The following RB1 variants were observed in gnomAD, a reference collection of about 807,000 sequenced individuals.
RB1 encodes RB transcriptional corepressor 1.
A neutral mutation model predicts 135.4 loss-of-function variants in RB1; 18 were observed. The observed-to-expected ratio is 0.13, with a 90% CI of 0.09 to 0.20. RB1 has a LOEUF of 0.20. Ranked by LOEUF, RB1 falls within the 10% of genes least tolerant of loss-of-function variation. The probability of loss-of-function intolerance (pLI) is 1.00; values close to 1 mark genes in which losing one functional copy is unlikely to be tolerated. For synonymous variants in RB1, 365 were observed against 373.2 expected (o/e 0.98, Z 0.25); for missense variants, 868 against 1,110.0 (o/e 0.78, Z 3.10).
chr13:48,462,270 C>T (rs1030167864), intron 20 of RB1, among the ~76,000 whole-genome samples: 7 of 152,072 alleles, frequency 4.6e-5, no homozygotes, highest in African/African-American at 1.7e-4. Context: ...ACTATAGGCA[C>T]ACACCACCAC....
chr13:48,347,787 G>T, intron 4 of RB1, 38 bp from the exon 5 acceptor site: 2 of 1,463,318 alleles, frequency 1.4e-6, no homozygotes, highest in South Asian at 2.4e-5. Context: ...TCTAAATTAC[G>T]AAAAAATGTT....
chr13:48,349,118 T>G (rs1314441556), intron 6 of RB1, 95 bp downstream of exon 6: 1 of 1,297,990 alleles, frequency 7.7e-7, no homozygotes, highest in Admixed American at 2.2e-5. Flanking sequence ...TATTGAGTAA[T>G]GTACTCCTCC....
intron 2 of RB1, among the ~76,000 whole-genome samples, chr13:48,328,873 TTAAA>T (rs1200401014): frequency 5.9e-5 from 9 of 152,190 alleles, no homozygotes; most frequent in African/African-American, 1.7e-4. Flanking sequence ...TTCCTGTGCT[TTAAA>T]TATCTCTCCA....
chr13:48,359,904 C>A, intron 6 of RB1, 113 bp from the exon 7 acceptor site: 1 of 1,388,830 alleles, frequency 7.2e-7, no homozygotes, highest in Non-Finnish European at 9.6e-7. Context: ...CTTTACCATG[C>A]TGATAGTGAT....
intron 1 of RB1, among the ~76,000 whole-genome samples, chr13:48,304,799 G>A (rs566323249): frequency 6.6e-6 from 1 of 152,012 alleles, no homozygotes; most frequent in East Asian, 1.9e-4. Context: ...CTTCTTGCGT[G>A]TTAGTCGGCT....
At chr13:48,324,499 T>C (rs1952267915) in intron 2 of RB1, among the ~76,000 whole-genome samples, 1 of 152,118 alleles carries the variant, frequency 6.6e-6, no homozygotes, top group African/African-American at 2.4e-5. Flanking sequence ...GCCTGGCTTA[T>C]TTCACTTAAC....
In RB1 at chr13:48,411,436, G is replaced by A. The variant is rs200554714; in HGVS notation, c.1695+29993G>A. 9 of 1,613,166 alleles carry A rather than the reference G, an allele frequency of 5.6e-6. No individual in the cohort carries two copies. In the South Asian group the frequency reaches 9.9e-5, roughly 18 times the overall value. On this transcript the variant is annotated intron_variant, in intron 17 of 26. Coordinates refer to ENST00000267163, the MANE Select transcript of RB1 (RefSeq NM_000321.3). ...AATATCTTACTTTTTAAGGTCTGTA[G>A]GTTATGCTGAATAAAATTCTCTGCA...
At position 48,342,619 on chromosome 13, in the gene RB1, A is replaced by G. The variant is rs755688480; in HGVS notation, c.285A>G (p.Lys95=). The change falls in exon 3 of 27, where the codon AAA becomes AAG. Residue 95 remains lysine (K), a synonymous_variant. Transcript: ENST00000267163. ...DGVLGGYIQK[K]KELWGICIFI... is the part of the protein sequence containing the mutation. Reference sequence around the variant, plus strand: ...CCCAGGGAGGTTATATTCAAAAGAAAAAGGAACTGTGGGGAATCTGTATCT... The same window carrying G: ...CCCAGGGAGGTTATATTCAAAAGAAGAAGGAACTGTGGGGAATCTGTATCT... 13 of 1,610,540 alleles carry G rather than the reference A, an allele frequency of 8.1e-6. No homozygotes were observed. In the Admixed American group the frequency reaches 1.5e-4, roughly 19 times the overall value.
At chr13:48,424,044 A>G (rs1400759757) in intron 17 of RB1, 1 of 152,682 alleles carries the variant, frequency 6.5e-6, no homozygotes, top group Non-Finnish European at 1.5e-5. Flanking sequence ...TGTGACTTCC[A>G]TCTCTTAATT....
chr13:48,318,303 T>C, intron 2 of RB1: 1 of 1,184,844 alleles, frequency 8.4e-7, no homozygotes, highest in Non-Finnish European at 1.2e-6. Context: ...CTCCAGGAAG[T>C]GCATCTGGGC....
intron 19 of RB1, among the ~76,000 whole-genome samples, chr13:48,457,685 TC>T (rs773548137): frequency 2.0e-5 from 3 of 152,052 alleles, no homozygotes; most frequent in South Asian, 4.2e-4. Context: ...CGCCTCGGCT[TC>T]CCCCCCGTGC....
intron 17 of RB1, chr13:48,412,447 G>A (rs768706415): frequency 7.1e-5 from 110 of 1,553,012 alleles, no homozygotes; most frequent in Non-Finnish European, 9.5e-5. Context: ...CCAATTTTCA[G>A]TTTGGAAGCA....
chr13:48,348,702 A>G (rs1365267416), intron 5 of RB1, among the ~76,000 whole-genome samples: 2 of 149,664 alleles, frequency 1.3e-5, no homozygotes, highest in Non-Finnish European at 3.0e-5. Context: ...GCAGCTTCTC[A>G]TGGTCAAGAA....
At chr13:48,465,517 G>T (rs1949435149) in intron 23 of RB1, 149 bp downstream of exon 23, 1 of 938,986 alleles carries the variant, frequency 1.1e-6, no homozygotes, top group African/African-American at 1.7e-5. Flanking sequence ...AAGAATATGG[G>T]GGCGGGGTGA....
At chr13:48,364,748 AAAT>A (rs1421632722) in intron 8 of RB1, 143 bp from the exon 9 acceptor site, 1 of 933,632 alleles carries the variant, frequency 1.1e-6, no homozygotes, top group Non-Finnish European at 1.5e-6. Context: ...TTCTCTAAGA[AAAT>A]AATAAAAAAT....
intron 2 of RB1, chr13:48,317,152 A>C (rs528373845): frequency 2.5e-6 from 2 of 792,218 alleles, no homozygotes; most frequent in East Asian, 8.0e-5. Flanking sequence ...GCCTCCCTGA[A>C]GGCAGAGAAG....
Position 48,319,757 on chromosome 13 carries a change from A to AT in RB1, c.264+12356dup. 1 of 275,846 alleles carries AT rather than the reference A, an allele frequency of 3.6e-6. No homozygotes were observed. The highest frequency in any genetic ancestry group is 4.9e-5 in the South Asian group (1 of 20,410). 17.1% of individuals were successfully genotyped at this position (275,846 alleles called of 1,614,324 possible). ...GTTTTTTATCTATTGACCCCATCAC[A>AT]TTTTTGGGTCGCATGCTATCTCTTC... is the stretch of plus-strand genomic sequence containing the variant. On this transcript the variant is annotated intron_variant, in intron 2 of 26. Transcript: ENST00000267163. The surrounding 1 kb of genome is among the most constrained non-coding windows in gnomAD (Gnocchi z 5.0).
chr13:48,412,051 T>C, intron 17 of RB1: 1 of 1,613,304 alleles, frequency 6.2e-7, no homozygotes, highest in African/African-American at 1.3e-5. Flanking sequence ...CTTAGAGTCT[T>C]TGACTTAAAT....
intron 17 of RB1, among the ~76,000 whole-genome samples, chr13:48,433,376 A>C (rs1382655585): frequency 6.6e-6 from 1 of 152,146 alleles, no homozygotes; most frequent in Non-Finnish European, 1.5e-5. Context: ...TAGAAGCATT[A>C]AAATTCTTAT....
Sources: gnomAD v4.1 joint callset for allele counts (sites outside exome capture counted in the v4.1 genomes callset) on GRCh38, gnomAD v4.1.1 for gene constraint, Gnocchi (gnomAD v3.1) non-coding constraint, MANE v1.5 for transcripts, NCBI Gene and HGNC (gene_info 2026-07-23, HGNC 2026-07-21) for gene names.